Variants in TRPC7 observed in about 807,000 individuals in gnomAD.
TRPC7 encodes short transient receptor potential channel 7.
Under a neutral mutation model 90.1 loss-of-function variants are expected in TRPC7, and 42 were observed. The observed-to-expected ratio is 0.47, with a 90% CI of 0.36 to 0.60. TRPC7 has a LOEUF of 0.60. Among genes scored for constraint, TRPC7 ranks in the 20% least tolerant of loss-of-function variants. The pLI, the probability that TRPC7 is intolerant of heterozygous loss-of-function variation, is 0.00. For synonymous variants in TRPC7, 451 were observed against 436.3 expected (o/e 1.03, Z -0.42); for missense variants, 955 against 1,112.3 (o/e 0.86, Z 2.01).
intron 5 of TRPC7, among the ~76,000 whole-genome samples, chr5:136,263,817 A>T (rs1411921749): frequency 1.3e-5 from 2 of 152,200 alleles, no homozygotes; most frequent in Non-Finnish European, 2.9e-5. Context: ...AATTTACAAT[A>T]GCTGGGGTTT....
intron 2 of TRPC7, among the ~76,000 whole-genome samples, chr5:136,338,731 A>C (rs368424709): frequency 1.1e-4 from 16 of 152,314 alleles, no homozygotes; most frequent in African/African-American, 3.4e-4. Context: ...TTTTCAATCA[A>C]ATGCAGTGCT....
In TRPC7 at chr5:136,365,355, C is replaced by T. The variant is rs1760690484; in HGVS notation, c.-101G>A. On this transcript the variant is annotated 5_prime_UTR_variant, in exon 1 of 12. Coordinates refer to ENST00000513104, the MANE Select transcript of TRPC7 (RefSeq NM_020389.3). Reference sequence around the variant, plus strand: ...CCATGGGTGGTAGCCAAGGATGTACCGCTCTCCGTGGTGCTGAAGTATAGA... The same window carrying T: ...CCATGGGTGGTAGCCAAGGATGTACTGCTCTCCGTGGTGCTGAAGTATAGA... 3.2e-6 allele frequency: 4 copies of T among 1,240,992 alleles called. No individual in the cohort carries two copies. In the Admixed American group the frequency reaches 6.0e-5, roughly 19 times the overall value. 76.9% of individuals were successfully genotyped at this position (1,240,992 alleles called of 1,614,324 possible).
intron 10 of TRPC7, among the ~76,000 whole-genome samples, chr5:136,220,466 A>G (rs1345979417): frequency 1.3e-5 from 2 of 152,110 alleles, no homozygotes; most frequent in African/African-American, 4.8e-5. Context: ...ATAAGAACTG[A>G]AATATGCCCT....
At position 136,358,107 on chromosome 5, in the gene TRPC7, C is replaced by T. The variant is rs950111277; in HGVS notation, c.3-722G>A. 2.0e-5 allele frequency among the ~76,000 whole-genome samples: 3 copies of T among 152,160 alleles called. 1 individual carries two copies. The South Asian group carries it at 6.2e-4, about 32-fold the overall frequency. The stretch of plus-strand genomic sequence containing the variant: ...CAGTGCTTTCTGGTCCACACACAAC[C>T]TAGGCACCTATTAAAGGGCAAGATG... On this transcript the variant is annotated intron_variant, in intron 1 of 11. Transcript: ENST00000513104.
At chr5:136,292,320 CA>C (rs1166930824) in intron 3 of TRPC7, among the ~76,000 whole-genome samples, 2 of 151,868 alleles carry the variant, frequency 1.3e-5, no homozygotes, top group East Asian at 1.9e-4. Flanking sequence ...AATAGAGACA[CA>C]AAAAACCCTT....
intron 2 of TRPC7, among the ~76,000 whole-genome samples, chr5:136,347,417 CTTTA>C (rs1366010291): frequency 6.6e-6 from 1 of 152,158 alleles, no homozygotes; most frequent in Non-Finnish European, 1.5e-5. Context: ...TACTCCATAT[CTTTA>C]TTTATGCTAA....
At chr5:136,257,272 T>G (rs907468322) in intron 5 of TRPC7, among the ~76,000 whole-genome samples, 1 of 149,864 alleles carries the variant, frequency 6.7e-6, no homozygotes, top group African/African-American at 2.5e-5. Context: ...AACCCCCACC[T>G]CCTGGGTTCA....
At chr5:136,301,767 G>A (rs1167452267) in intron 3 of TRPC7, among the ~76,000 whole-genome samples, 3 of 152,198 alleles carry the variant, frequency 2.0e-5, no homozygotes, top group Non-Finnish European at 2.9e-5. Context: ...CTGCACCCAG[G>A]TGAAATAAAC....
chr5:136,251,034 T>G (rs1047601101), intron 6 of TRPC7, among the ~76,000 whole-genome samples: 3 of 152,220 alleles, frequency 2.0e-5, no homozygotes, highest in African/African-American at 7.2e-5. Context: ...AGAATTAGAA[T>G]TGTGTGTATA....
intron 1 of TRPC7, among the ~76,000 whole-genome samples, chr5:136,358,514 TAGA>T (rs1184053573): frequency 6.6e-6 from 1 of 152,192 alleles, no homozygotes; most frequent in Admixed American, 6.5e-5. Context: ...ACTTTGAAGT[TAGA>T]AGGTTTAGAG....
chr5:136,241,562 CTTT>C (rs375780408), intron 7 of TRPC7, among the ~76,000 whole-genome samples: 5 of 146,896 alleles, frequency 3.4e-5, no homozygotes, highest in Admixed American at 6.8e-5. Flanking sequence ...TCCTTCCTTC[CTTT>C]TTTTTTTTTT....
intron 2 of TRPC7, among the ~76,000 whole-genome samples, chr5:136,354,223 T>C (rs1760289340): frequency 6.6e-6 from 1 of 152,194 alleles, no homozygotes; most frequent in Non-Finnish European, 1.5e-5. Flanking sequence ...CAGCACATCC[T>C]TGACCTTAAT....
chr5:136,264,994 C>A (rs765377884), intron 5 of TRPC7, among the ~76,000 whole-genome samples: 1 of 152,078 alleles, frequency 6.6e-6, no homozygotes, highest in African/African-American at 2.4e-5. Flanking sequence ...ATTTAGAGAT[C>A]GAATTTAGAG....
At chr5:136,356,218 TAATC>T (rs1404495528) in intron 2 of TRPC7, among the ~76,000 whole-genome samples, 3 of 152,096 alleles carry the variant, frequency 2.0e-5, no homozygotes, top group African/African-American at 7.2e-5. Context: ...ATAGGTGAAA[TAATC>T]AAGAAGTCTA....
At chr5:136,321,494 G>T (rs1337087453) in intron 2 of TRPC7, among the ~76,000 whole-genome samples, 1 of 152,170 alleles carries the variant, frequency 6.6e-6, no homozygotes, top group Admixed American at 6.5e-5. Context: ...GGTACACACT[G>T]TTCAATCATT....
chr5:136,302,989 T>G (rs901026811), intron 3 of TRPC7, among the ~76,000 whole-genome samples: 5 of 151,958 alleles, frequency 3.3e-5, no homozygotes, highest in Non-Finnish European at 7.4e-5. Flanking sequence ...CCGAGCTAGG[T>G]CCTAATTCTT....
At chr5:136,225,206 G>T in intron 10 of TRPC7, 68 bp downstream of exon 10, 1 of 1,370,070 alleles carries the variant, frequency 7.3e-7, no homozygotes, top group Non-Finnish European at 1.0e-6. Flanking sequence ...ACAGTCATGG[G>T]ACTAAATCTG....
At position 136,312,223 on chromosome 5, in the gene TRPC7, C is replaced by T. The variant is rs145771449; in HGVS notation, c.963+3374G>A. On this transcript the variant is annotated intron_variant, in intron 3 of 11. Coordinates refer to ENST00000513104, the MANE Select transcript of TRPC7 (RefSeq NM_020389.3). ...GAGCGCCCTCTTAAGGCAGAAGTCA[C>T]GGGGGTAAAACCATGTCCTCATAAC... Among the ~76,000 whole-genome samples, 193 of 152,226 alleles carry T rather than the reference C, an allele frequency of 1.3e-3. 4 individuals carry two copies. The highest frequency in any genetic ancestry group is 4.2e-3 in the African/African-American group (174 of 41,528).
At chr5:136,345,568 A>T (rs988902238) in intron 2 of TRPC7, among the ~76,000 whole-genome samples, 33 of 152,178 alleles carry the variant, frequency 2.2e-4, no homozygotes, top group African/African-American at 7.5e-4. Flanking sequence ...CTCAAAAAAA[A>T]AAATGAGTCC....
Sources: allele counts gnomAD v4.1 joint callset (sites outside exome capture counted in the v4.1 genomes callset), GRCh38; gene constraint gnomAD v4.1.1; transcripts MANE v1.5; gene names NCBI Gene and HGNC (gene_info 2026-07-23, HGNC 2026-07-21).